RANBP2: variants seen among roughly 807,000 people sequenced by gnomAD.
RANBP2 encodes the protein RAN binding protein 2, also known as E3 SUMO-protein ligase RanBP2.
In RANBP2, 57 loss-of-function variants were observed where a neutral mutation model predicts 303.6. The observed-to-expected ratio is 0.19, with a 90% CI of 0.15 to 0.23. The LOEUF is 0.23. Ranked by LOEUF, RANBP2 falls within the 10% of genes least tolerant of loss-of-function variation. RANBP2 has a pLI of 1.00. For synonymous variants in RANBP2, 1,167 were observed against 1,301.5 expected, an observed-to-expected ratio of 0.90 and a Z score of 2.23; for missense variants, 3,138 against 3,780.8, an observed-to-expected ratio of 0.83 and a Z score of 4.46.
chr2:109,371,112 G>A, the RANBP2 span, among the ~76,000 whole-genome samples: 1 of 152,248 alleles, frequency 6.6e-6, no homozygotes, highest in Non-Finnish European at 1.5e-5. Flanking sequence ...GTGCTGGCTG[G>A]GTTCGGTGGC....
At chr2:109,522,976 GTGCTAAAAGGCACAAATC>G in the RANBP2 span, among the ~76,000 whole-genome samples, 1 of 152,176 alleles carries the variant, frequency 6.6e-6, no homozygotes, top group Non-Finnish European at 1.5e-5. Flanking sequence ...TTTAGAGTAA[GTGCTAAAAGGCACAAATC>G]TGTGAGTCCG....
At chr2:109,614,503 C>A in the RANBP2 span, 4 of 1,249,774 alleles carry the variant, frequency 3.2e-6, no homozygotes, top group Non-Finnish European at 4.0e-6. Flanking sequence ...GAGGGGCCGG[C>A]AGAGTGGGGC....
At chr2:109,300,553 G>C in the RANBP2 span, among the ~76,000 whole-genome samples, 96 of 152,186 alleles carry the variant, frequency 6.3e-4, no homozygotes, top group Non-Finnish European at 1.2e-3. Flanking sequence ...GAGATGACAG[G>C]CATCCTTTTC....
At chr2:109,585,172 T>C in the RANBP2 span, 2 of 1,609,024 alleles carry the variant, frequency 1.2e-6, no homozygotes, top group Admixed American at 1.7e-5. Context: ...GTATTCACAA[T>C]GGTCAATTTC....
At chr2:109,636,613 T>C in the RANBP2 span, among the ~76,000 whole-genome samples, 1 of 152,088 alleles carries the variant, frequency 6.6e-6, no homozygotes, top group Non-Finnish European at 1.5e-5. Context: ...ATTATTAAGA[T>C]AATGGCAAAA....
At chr2:109,613,022 AAT>A in the RANBP2 span, 1 of 512,698 alleles carries the variant, frequency 2.0e-6, no homozygotes, top group South Asian at 1.5e-5. Flanking sequence ...GAAAACCACC[AAT>A]GTTTACTATC....
At chr2:109,613,342 C>A in the RANBP2 span, 1 of 364,456 alleles carries the variant, frequency 2.7e-6, no homozygotes, top group Non-Finnish European at 5.1e-6. Context: ...ACCACACCAT[C>A]GGATAAAACG....
At chr2:108,849,939 G>T in the RANBP2 span, among the ~76,000 whole-genome samples, 131 of 152,328 alleles carry the variant, frequency 8.6e-4, 1 homozygote, top group Non-Finnish European at 1.5e-3. Flanking sequence ...GGTGGGGTGT[G>T]CCTGCACACA....
At chr2:109,125,646 A>G in the RANBP2 span, among the ~76,000 whole-genome samples, 1 of 152,250 alleles carries the variant, frequency 6.6e-6, no homozygotes, top group East Asian at 1.9e-4. Context: ...AGTCAGCCAT[A>G]GTACATAGAT....
intron 1 of RANBP2, among the ~76,000 whole-genome samples, chr2:108,726,439 T>G (rs978869680): frequency 3.5e-4 from 38 of 110,134 alleles, no homozygotes; most frequent in Middle Eastern, 7.9e-3. Context: ...AGTTTTTTTG[T>G]TTTTTTTTTT....
chr2:109,203,279 T>A, the RANBP2 span, among the ~76,000 whole-genome samples: 1 of 152,138 alleles, frequency 6.6e-6, no homozygotes, highest in Non-Finnish European at 1.5e-5. Context: ...TGGCTGTAAT[T>A]AAGAGGCTAC....
the RANBP2 span, chr2:108,805,059 T>C: frequency 9.7e-7 from 1 of 1,030,766 alleles, no homozygotes; most frequent in Non-Finnish European, 1.3e-6. Context: ...AAGAAGTATA[T>C]TTTATATATA....
At chr2:108,976,459 C>T in the RANBP2 span, among the ~76,000 whole-genome samples, 198 of 152,258 alleles carry the variant, frequency 1.3e-3, 4 homozygotes, top group Middle Eastern at 0.017. Context: ...TGGCAGGATT[C>T]CCCACTCTGA....
At chr2:109,625,549 C>G in the RANBP2 span, among the ~76,000 whole-genome samples, 1 of 151,772 alleles carries the variant, frequency 6.6e-6, no homozygotes, top group South Asian at 2.1e-4. Flanking sequence ...GCCTGTAGTC[C>G]CAGCTACTCG....
the RANBP2 span, chr2:108,912,851 G>C: frequency 1.8e-6 from 2 of 1,131,206 alleles, no homozygotes; most frequent in South Asian, 2.6e-5. Flanking sequence ...CTGGATTCAT[G>C]ATCATGAATG....
At chr2:108,742,945 C>T (rs751056046) in intron 7 of RANBP2, among the ~76,000 whole-genome samples, 12 of 151,724 alleles carry the variant, frequency 7.9e-5, no homozygotes, top group Non-Finnish European at 1.5e-4. Context: ...CCCACCACCA[C>T]GCCCAGCTAA....
At chr2:109,241,172 G>A in the RANBP2 span, among the ~76,000 whole-genome samples, 2 of 152,128 alleles carry the variant, frequency 1.3e-5, no homozygotes, top group Non-Finnish European at 2.9e-5. Flanking sequence ...AGCGAAATAA[G>A]TTTGTACTTA....
chr2:109,646,609 A>C, the RANBP2 span, among the ~76,000 whole-genome samples: 6 of 151,084 alleles, frequency 4.0e-5, no homozygotes, highest in Non-Finnish European at 2.9e-5. Context: ...CTCCTGCATC[A>C]GCCTCCCGAA....
chr2:109,107,322 C>T, the RANBP2 span, among the ~76,000 whole-genome samples: 2 of 151,240 alleles, frequency 1.3e-5, no homozygotes, highest in Non-Finnish European at 2.9e-5. Flanking sequence ...GGGATAAGTA[C>T]AGGTCCAGAT....
Sources: gnomAD v4.1 joint callset for allele counts (sites outside exome capture counted in the v4.1 genomes callset) on GRCh38, gnomAD v4.1.1 for gene constraint, MANE v1.5 for transcripts, NCBI Gene and HGNC (gene_info 2026-07-23, HGNC 2026-07-21) for gene names.